Variants in TPBG observed in about 807,000 individuals in gnomAD.
The protein encoded by TPBG is trophoblast glycoprotein.
Under a neutral mutation model 19.3 loss-of-function variants are expected in TPBG, and 13 were observed. The observed-to-expected ratio is 0.67, with a 90% confidence interval of 0.44 to 1.07. The LOEUF is 1.07. Ranked by LOEUF, TPBG falls within the 50% of genes least tolerant of loss-of-function variation. The pLI is 0.00. For missense variants in TPBG, 642 were observed against 559.6 expected (o/e 1.15, Z -1.49); for synonymous variants, 338 against 259.8 (o/e 1.30, Z -2.89).
rs796444049 is a variant in TPBG, at chr6:82,367,144, T to C, written c.*920T>C. On this transcript the variant is annotated 3_prime_UTR_variant, in exon 2 of 2. Coordinates refer to ENST00000369750, the MANE Select transcript of TPBG (RefSeq NM_001376922.1). ...TCATGTGACTGTATGGTCCCAAAGT[T>C]AATGCTATTTATGAAACAGTTTTGT... 11 of 167,186 alleles carry C rather than the reference T, an allele frequency of 6.6e-5. No individual in the cohort carries two copies. Among genetic ancestry groups the C allele is most frequent in the African/African-American group, 2.6e-4 (11 of 41,582 alleles). 10.4% of individuals were successfully genotyped at this position (167,186 alleles called of 1,614,324 possible). A position where few individuals can be genotyped will look rare whatever the true frequency, so the allele number is the denominator to read the frequency against.
At position 82,363,840 on chromosome 6, in the gene TPBG, C is replaced by G. The variant is rs1040354142; in HGVS notation, c.-408C>G. On this transcript the variant is annotated 5_prime_UTR_variant, in exon 1 of 2. Coordinates refer to ENST00000369750, the MANE Select transcript of TPBG (RefSeq NM_001376922.1). Reference sequence around the variant, plus strand: ...GTGCGAAGAGAGTCGGCGCCCGCAACGCGGAGCCGGGAAGTCGTCGCTACT... The same window carrying G: ...GTGCGAAGAGAGTCGGCGCCCGCAAGGCGGAGCCGGGAAGTCGTCGCTACT... The G allele has an allele frequency of 6.6e-6, 1 of 152,246 alleles. No homozygotes were observed. The highest frequency in any genetic ancestry group is 2.4e-5 in the African/African-American group (1 of 41,368). The allele number at this position is 152,246 out of a possible 1,614,324, so 9.4% of individuals were successfully genotyped here. A position where few individuals can be genotyped will look rare whatever the true frequency, so the allele number is the denominator to read the frequency against.
In TPBG at chr6:82,367,070, G is replaced by A. The variant is rs934694063; in HGVS notation, c.*846G>A. 6 of 166,968 alleles carry A rather than the reference G, an allele frequency of 3.6e-5. No individual in the cohort carries two copies. The highest frequency in any genetic ancestry group is 2.6e-4 in the Admixed American group (4 of 15,270). 10.3% of individuals were successfully genotyped at this position (166,968 alleles called of 1,614,324 possible). ...CTAATATAAATAGACTTGGGAGATC[G>A]TTTTGAAATGGTGGATCCTTTTAGT... On this transcript the variant is annotated 3_prime_UTR_variant, in exon 2 of 2. Coordinates refer to ENST00000369750, the MANE Select transcript of TPBG (RefSeq NM_001376922.1).
rs758889252 is a variant in TPBG at position 82,366,009 on chromosome 6, C to G, written c.1048C>G (p.Pro350Ala). The G allele has an allele frequency of 1.2e-6, 2 of 1,613,680 alleles. No individual in the cohort carries two copies. Among genetic ancestry groups the G allele is most frequent in the Non-Finnish European group, 1.7e-6 (2 of 1,179,726 alleles). The change falls in exon 2 of 2, where the codon CCA becomes GCA. Residue 350 changes from proline to alanine, a missense_variant. Physicochemically the swap from Pro to Ala is conservative, Grantham distance 27. Transcript: ENST00000369750. ...CCTGGACTGTGACCCGATTCTTCCC[C>G]CATCCCTGCAAACCTCTTATGTCTT... ...ADLDCDPILPPSLQTSYVFLG... is the reference protein window; with the variant it reads ...ADLDCDPILPASLQTSYVFLG...
In TPBG at chr6:82,365,916, G is replaced by T; in HGVS notation, c.955G>T (p.Asp319Tyr). The change falls in exon 2 of 2, where the codon GAC becomes TAC. Residue 319 changes from aspartate (D) to tyrosine (Y), a missense_variant. Coordinates refer to ENST00000369750, the MANE Select transcript of TPBG (RefSeq NM_001376922.1). ...GGAAACAGAGGTAGTGCAGGGCAAAGACCGGCTCACCTGTGCATATCCGGA... is the reference window on the plus strand; with the variant it reads ...GGAAACAGAGGTAGTGCAGGGCAAATACCGGCTCACCTGTGCATATCCGGA... ...LKETEVVQGK[D>Y]RLTCAYPEKM... 1 of 1,614,216 alleles carries T rather than the reference G, an allele frequency of 6.2e-7. No homozygotes were observed. The highest frequency in any genetic ancestry group is 1.1e-5 in the South Asian group (1 of 91,084).
Position 82,364,939 on chromosome 6 carries a change from G to C in TPBG, c.-23G>C, listed in dbSNP as rs778588116. 1 of 1,458,146 alleles carries C rather than the reference G, an allele frequency of 6.9e-7. No individual in the cohort carries two copies. The allele number at this position is 1,458,146 out of a possible 1,614,324, so 90.3% of individuals were successfully genotyped here. A position where few individuals can be genotyped will look rare whatever the true frequency, so the allele number is the denominator to read the frequency against. On this transcript the variant is annotated 5_prime_UTR_variant, in exon 2 of 2. Coordinates refer to ENST00000369750, the MANE Select transcript of TPBG (RefSeq NM_001376922.1). ...TCGGAGCGGGCGCCGTCCCAGCCCAGCTCCGGGGAAACGCGAGCCGCGATG... is the reference window on the plus strand; with the variant it reads ...TCGGAGCGGGCGCCGTCCCAGCCCACCTCCGGGGAAACGCGAGCCGCGATG...
chr6:82,363,636 T>C (rs939100064), upstream of TPBG: 1 of 152,526 alleles, frequency 6.6e-6, no homozygotes, highest in African/African-American at 2.4e-5. Flanking sequence ...TCCTCGTTAA[T>C]TTCCACCAGG....
At position 82,364,648 on chromosome 6, in the gene TPBG, C is replaced by T. The variant is rs770911; in HGVS notation, c.-314C>T. ...GTCCCTCAGAGGATCCAGCGAGGGG[C>T]GCCAACAAGAGGCGAAGAGGTGGCA... On this transcript the variant is annotated 5_prime_UTR_variant, in exon 2 of 2. Transcript: ENST00000369750. 200,588 of 341,636 alleles carry T rather than the reference C, an allele frequency of 0.59. 60,512 individuals carry two copies. The highest frequency in any genetic ancestry group is 0.63 in the Non-Finnish European group (121,167 of 191,512). 21.2% of individuals were successfully genotyped at this position (341,636 alleles called of 1,614,324 possible).
rs777352855 is a variant in TPBG at position 82,365,706 on chromosome 6, C to G, written c.745C>G (p.Leu249Val). The G allele has an allele frequency of 6.2e-7, 1 of 1,609,172 alleles. No individual in the cohort carries two copies. The highest frequency in any genetic ancestry group is 8.5e-7 in the Non-Finnish European group (1 of 1,177,444). ...LDLSNNSLVS[L>V]TYVSFRNLTH... ...CTTAAGTAATAATTCGCTGGTGAGC[C>G]TGACCTACGTGTCCTTCCGCAACCT... Residue 249 changes from leucine (L) to valine (V), a missense_variant, in exon 2 of 2, where the codon CTG becomes GTG. By Grantham distance (32) the Leu-to-Val change is conservative (BLOSUM62 1). Coordinates refer to ENST00000369750, the MANE Select transcript of TPBG (RefSeq NM_001376922.1).
Position 82,366,007 on chromosome 6 carries a change from CCCCAT to C in TPBG, c.1050_1054del (p.Ser351AlafsTer35), listed in dbSNP as rs1220426862. 1 of 1,613,508 alleles carries C rather than the reference CCCCAT, an allele frequency of 6.2e-7. No individual in the cohort carries two copies. The highest frequency in any genetic ancestry group is 8.5e-7 in the Non-Finnish European group (1 of 1,179,746). ...GACCTGGACTGTGACCCGATTCTTC[CCCCAT>C]CCCTGCAAACCTCTTATGTCTTCCT... On this transcript the variant is annotated frameshift_variant, in exon 2 of 2. Coordinates refer to ENST00000369750, the MANE Select transcript of TPBG (RefSeq NM_001376922.1). LOFTEE classifies it high-confidence loss of function.
Position 82,365,513 on chromosome 6 carries a change from G to T in TPBG, c.552G>T (p.Val184=). 1.3e-6 allele frequency: 2 copies of T among 1,582,752 alleles called. No homozygotes were observed. The highest frequency in any genetic ancestry group is 1.7e-6 in the Non-Finnish European group (2 of 1,167,534). ...TGGAACTGATCCTGAACCACATCGT[G>T]CCCCCTGAAGATGAGCGGCAGAACC... ...PLVELILNHI[V]PPEDERQNRS... Residue 184 remains valine (V), a synonymous_variant, in exon 2 of 2, where the codon GTG becomes GTT. Coordinates refer to ENST00000369750, the MANE Select transcript of TPBG (RefSeq NM_001376922.1).
Position 82,363,915 on chromosome 6 carries a change from A to G in TPBG, c.-340+7A>G, listed in dbSNP as rs1402508816. On this transcript the variant is annotated splice_region_variant and intron_variant, in intron 1 of 1. Coordinates refer to ENST00000369750, the MANE Select transcript of TPBG (RefSeq NM_001376922.1). ...GGAGGCGGCGGACGCGGAGGTGAGC[A>G]GTGGGAGCCCGCGGCCTGGGAGAGA... The G allele has an allele frequency of 1.3e-5, 2 of 152,736 alleles. No individual in the cohort carries two copies. Among genetic ancestry groups the G allele is most frequent in the Non-Finnish European group, 2.9e-5 (2 of 68,492 alleles). 9.5% of individuals were successfully genotyped at this position (152,736 alleles called of 1,614,324 possible).
rs1423602685 is a variant in TPBG at position 82,365,369 on chromosome 6, C to T, written c.408C>T (p.Gly136=). The T allele has an allele frequency of 1.3e-5, 21 of 1,586,548 alleles. No individual in the cohort carries two copies. Among genetic ancestry groups the T allele is most frequent in the Non-Finnish European group, 1.7e-5 (20 of 1,171,688 alleles). ...SGSRLDEVRA[G]AFEHLPSLRQ... is the part of the protein sequence containing the mutation. ...GCCGCCTGGACGAGGTGCGCGCGGG[C>T]GCCTTCGAGCATCTGCCCAGCCTGC... Residue 136 remains glycine (G), a synonymous_variant, in exon 2 of 2, where the codon GGC becomes GGT. Transcript: ENST00000369750.
At position 82,365,257 on chromosome 6, in the gene TPBG, C is replaced by G. The variant is rs778101208; in HGVS notation, c.296C>G (p.Thr99Ser). ...LPAYVRNLFL[T>S]GNQLAVLPAG... ...GCCTACGTGCGCAACCTCTTCCTTA[C>G]CGGCAACCAGCTGGCCGTGCTCCCT... is the stretch of plus-strand genomic sequence containing the variant. Residue 99 changes from threonine (T) to serine (S), a missense_variant, in exon 2 of 2, where the codon ACC (threonine) becomes AGC (serine). By Grantham distance (58) the Thr-to-Ser change is moderately conservative. Coordinates refer to ENST00000369750, the MANE Select transcript of TPBG (RefSeq NM_001376922.1). The G allele has an allele frequency of 2.5e-6, 4 of 1,583,050 alleles. No individual in the cohort carries two copies. The Admixed American group carries it at 5.3e-5, about 21-fold the overall frequency.
At position 82,364,722 on chromosome 6, in the gene TPBG, C is replaced by T. The variant is rs1048004454; in HGVS notation, c.-240C>T. The T allele has an allele frequency of 3.0e-4, 131 of 437,556 alleles. 1 individual carries two copies. The highest frequency in any genetic ancestry group is 1.5e-3 in the Admixed American group (33 of 22,638). 27.1% of individuals were successfully genotyped at this position (437,556 alleles called of 1,614,324 possible). A position where few individuals can be genotyped will look rare whatever the true frequency, so the allele number is the denominator to read the frequency against. On this transcript the variant is annotated 5_prime_UTR_variant, in exon 2 of 2. Transcript: ENST00000369750. ...GCGGGAGCAGGAGCGCGGAGCGGAG[C>T]GTCCCGACCCGCCGTGCGTACTTTC... is the stretch of plus-strand genomic sequence containing the variant.
Position 82,365,221 on chromosome 6 carries a change from C to A in TPBG, c.260C>A (p.Thr87Lys). The A allele has an allele frequency of 1.3e-6, 2 of 1,593,028 alleles. No individual in the cohort carries two copies. The highest frequency in any genetic ancestry group is 1.7e-6 in the Non-Finnish European group (2 of 1,173,796). Residue 87 changes from threonine to lysine, a missense_variant, in exon 2 of 2, where the codon ACG (threonine) becomes AAG (lysine). Transcript: ENST00000369750. ...CVNRNLTEVP[T>K]DLPAYVRNLF... Reference sequence around the variant, plus strand: ...AACCGCAATCTGACCGAGGTGCCCACGGACCTGCCCGCCTACGTGCGCAAC... The same window carrying A: ...AACCGCAATCTGACCGAGGTGCCCAAGGACCTGCCCGCCTACGTGCGCAAC...
At chr6:82,363,194 C>A (rs1038321140), upstream of TPBG, 15 of 149,278 alleles carry the variant, frequency 1.0e-4, no homozygotes, top group Non-Finnish European at 2.1e-4. Context: ...CTCCACTAAT[C>A]TTTTTTTTTT....
At chr6:82,363,339 A>T (rs1401216303), upstream of TPBG, 2 of 152,016 alleles carry the variant, frequency 1.3e-5, no homozygotes, top group Non-Finnish European at 2.9e-5. Flanking sequence ...GGCCTCAAGT[A>T]CCACTTTGAT....
Position 82,365,941 on chromosome 6 carries a change from A to T in TPBG, c.980A>T (p.Glu327Val). ...GKDRLTCAYP[E>V]KMRNRVLLEL... ...GACCGGCTCACCTGTGCATATCCGG[A>T]AAAAATGAGGAATCGGGTCCTCTTG... is the stretch of plus-strand genomic sequence containing the variant. The change falls in exon 2 of 2, where the codon GAA becomes GTA. Residue 327 changes from glutamate (E) to valine (V), a missense_variant. Physicochemically the swap from Glu to Val is moderately radical, Grantham distance 121. Coordinates refer to ENST00000369750, the MANE Select transcript of TPBG (RefSeq NM_001376922.1). The T allele has an allele frequency of 1.2e-6, 2 of 1,614,168 alleles. No individual in the cohort carries two copies. Among genetic ancestry groups the T allele is most frequent in the South Asian group, 2.2e-5 (2 of 91,070 alleles).
At position 82,365,458 on chromosome 6, in the gene TPBG, A is replaced by G. The variant is rs142127308; in HGVS notation, c.497A>G (p.Asn166Ser). 7.0e-5 allele frequency: 112 copies of G among 1,610,586 alleles called. No homozygotes were observed. The highest frequency in any genetic ancestry group is 8.0e-5 in the African/African-American group (6 of 74,850). ...AGTCCCTTCGCTTTCTCGGGCAGCA[A>G]TGCCAGCGTCTCGGCCCCCAGTCCC... ...DLSPFAFSGSNASVSAPSPLV... is the reference protein window; with the variant it reads ...DLSPFAFSGSSASVSAPSPLV... Residue 166 changes from asparagine to serine, a missense_variant, in exon 2 of 2, where the codon AAT (asparagine) becomes AGT (serine). Coordinates refer to ENST00000369750, the MANE Select transcript of TPBG (RefSeq NM_001376922.1).
Sources: allele counts gnomAD v4.1 joint callset, GRCh38; gene constraint gnomAD v4.1.1; transcripts MANE v1.5; gene names NCBI Gene and HGNC (gene_info 2026-07-23, HGNC 2026-07-21).